The following INTS6 variants were observed in gnomAD, a reference collection of about 807,000 sequenced individuals.
The protein encoded by INTS6 is DEAD box protein.
INTS6 carries 16 observed loss-of-function variants against 104.9 expected under a neutral mutation model. The observed-to-expected ratio is 0.15, with a 90% CI of 0.10 to 0.23. The LOEUF (loss-of-function observed/expected upper bound fraction) is 0.23. Among genes scored for constraint, INTS6 ranks in the 10% least tolerant of loss-of-function variants. INTS6 has a pLI of 1.00. For missense variants in INTS6, 584 were observed against 1,062.8 expected (o/e 0.55, Z 6.26); for synonymous variants, 324 against 358.7 (o/e 0.90, Z 1.09).
intron 2 of INTS6, 77 bp downstream of exon 2, chr13:51,451,901 A>T: frequency 1.1e-6 from 1 of 878,172 alleles, no homozygotes; most frequent in Non-Finnish European, 1.7e-6. Context: ...ATGAAGGGTG[A>T]ATGGGGGGGC....
At chr13:51,404,103 C>CACACACACACACACACACACAG (rs1491389220) in intron 4 of INTS6, among the ~76,000 whole-genome samples, 10 of 103,966 alleles carry the variant, frequency 9.6e-5, no homozygotes, top group East Asian at 8.4e-4. Context: ...CACACACACA[C>CACACACACACACACACACACAG]AGAGAGAGAG....
At chr13:51,400,609 G>A (rs1278970196) in intron 4 of INTS6, among the ~76,000 whole-genome samples, 2 of 152,066 alleles carry the variant, frequency 1.3e-5, no homozygotes, top group Non-Finnish European at 2.9e-5. Context: ...GACTGTACAC[G>A]TGGTAGTCTA....
At chr13:51,388,377 T>G (rs1412382773) in intron 6 of INTS6, among the ~76,000 whole-genome samples, 3 of 151,816 alleles carry the variant, frequency 2.0e-5, no homozygotes, top group African/African-American at 7.3e-5. Context: ...TGTTTTGTTT[T>G]TTTTTGTTTT....
the INTS6 span, chr13:51,341,387 G>A: frequency 6.5e-7 from 1 of 1,533,404 alleles, no homozygotes; most frequent in Non-Finnish European, 8.8e-7. Flanking sequence ...TTACCCTCCT[G>A]TTCACACTCA....
At chr13:51,425,926 C>A (rs566963922) in intron 4 of INTS6, among the ~76,000 whole-genome samples, 1 of 151,744 alleles carries the variant, frequency 6.6e-6, no homozygotes, top group Non-Finnish European at 1.5e-5. Context: ...ACACACTCCT[C>A]GTAAGTGAAA....
At chr13:51,402,044 A>C (rs1566227068) in intron 4 of INTS6, among the ~76,000 whole-genome samples, 1 of 152,164 alleles carries the variant, frequency 6.6e-6, no homozygotes, top group Non-Finnish European at 1.5e-5. Flanking sequence ...GGTTATTTTT[A>C]TAATGCACGG....
intron 4 of INTS6, among the ~76,000 whole-genome samples, chr13:51,425,711 G>C (rs1956972168): frequency 6.6e-6 from 1 of 152,058 alleles, no homozygotes; most frequent in Admixed American, 6.6e-5. Context: ...CAGTACTAGA[G>C]AGGATTATCT....
At chr13:51,407,743 T>C (rs886844299) in intron 4 of INTS6, among the ~76,000 whole-genome samples, 2 of 152,146 alleles carry the variant, frequency 1.3e-5, no homozygotes, top group Admixed American at 6.6e-5. Context: ...TAAGAGTGTT[T>C]CTGTACGGTA....
chr13:51,451,937 G>A (rs746483763), intron 2 of INTS6, 41 bp downstream of exon 2: 43 of 1,509,514 alleles, frequency 2.8e-5, no homozygotes, highest in Non-Finnish European at 3.7e-5. Context: ...GGAAGGAACA[G>A]GGAAGGGAAG....
intron 4 of INTS6, among the ~76,000 whole-genome samples, chr13:51,417,004 T>G (rs1956799570): frequency 1.3e-5 from 2 of 152,364 alleles, no homozygotes; most frequent in South Asian, 4.1e-4. Flanking sequence ...ATGTACTTAC[T>G]AGCCATTTAT....
chr13:51,426,619 T>A (rs1157181333), intron 4 of INTS6, among the ~76,000 whole-genome samples: 1 of 152,128 alleles, frequency 6.6e-6, no homozygotes, highest in Non-Finnish European at 1.5e-5. Context: ...AATAGGTGAT[T>A]TCCCCCATAA....
chr13:51,365,277 T>C lies in INTS6; in HGVS notation c.*475A>G, dbSNP rs1289849070. On this transcript the variant is annotated 3_prime_UTR_variant, in exon 18 of 18. Coordinates refer to ENST00000311234, the MANE Select transcript of INTS6 (RefSeq NM_012141.3). ...TAACAAAAGTGCTTTTCTTAAATAT[T>C]CTTCAAAATACATTTGTACAACTTA... is the stretch of plus-strand genomic sequence containing the variant. 1.3e-5 allele frequency: 2 copies of C among 152,544 alleles called. No homozygotes were observed. Among genetic ancestry groups the C allele is most frequent in the Non-Finnish European group, 1.5e-5 (1 of 67,998 alleles). The allele number at this position is 152,544 out of a possible 1,614,324, so 9.4% of individuals were successfully genotyped here.
At chr13:51,340,930 G>A in the INTS6 span, 1 of 721,100 alleles carries the variant, frequency 1.4e-6, no homozygotes, top group Non-Finnish European at 2.3e-6. Context: ...CTCAGGGTAG[G>A]TAACCAAGAC....
intron 4 of INTS6, among the ~76,000 whole-genome samples, chr13:51,419,620 A>G (rs1956859212): frequency 1.3e-5 from 2 of 152,190 alleles, no homozygotes; most frequent in Admixed American, 1.3e-4. Flanking sequence ...TTGTGCTTTA[A>G]TAATTTTACA....
At chr13:51,404,063 T>TACACACACACACACACACAC (rs71085082) in intron 4 of INTS6, among the ~76,000 whole-genome samples, 5 of 109,644 alleles carry the variant, frequency 4.6e-5, no homozygotes, top group East Asian at 2.7e-4. Context: ...TCTCTACAAA[T>TACACACACACACACACACAC]ACACACACAC....
At chr13:51,431,746 G>A (rs1409173550) in intron 3 of INTS6, among the ~76,000 whole-genome samples, 5 of 152,058 alleles carry the variant, frequency 3.3e-5, no homozygotes, top group African/African-American at 1.2e-4. Context: ...GGTTCCGGGG[G>A]AGAAAGATTC....
At chr13:51,356,079 C>G (rs1955477540) in intron 3 of INTS6, among the ~76,000 whole-genome samples, 1 of 152,074 alleles carries the variant, frequency 6.6e-6, no homozygotes, top group African/African-American at 2.4e-5. Context: ...TTAGATGTGA[C>G]CAGATTGACA....
At chr13:51,341,435 TCA>T in the INTS6 span, 1 of 1,253,084 alleles carries the variant, frequency 8.0e-7, no homozygotes, top group Non-Finnish European at 1.1e-6. Context: ...ACACTCACAC[TCA>T]CTCTCTCCAG....
chr13:51,432,434 G>T, intron 3 of INTS6, among the ~76,000 whole-genome samples: 1 of 149,698 alleles, frequency 6.7e-6, no homozygotes. Context: ...AGTAAATTTT[G>T]TTGTGTTTAC....
Sources: allele counts gnomAD v4.1 joint callset (sites outside exome capture counted in the v4.1 genomes callset), GRCh38; gene constraint gnomAD v4.1.1; transcripts MANE v1.5; gene names NCBI Gene and HGNC (gene_info 2026-07-23, HGNC 2026-07-21).